Variants in FNDC3B observed in about 807,000 individuals in gnomAD.
FNDC3B encodes the protein fibronectin type III domain containing 3B, also known as fibronectin type III domain-containing protein 3B.
A neutral mutation model predicts 151.5 loss-of-function variants in FNDC3B; 12 were observed. The ratio of observed to expected loss-of-function variants is 0.08; its 90% CI spans 0.05 to 0.13. FNDC3B has a LOEUF of 0.13. FNDC3B is among the 10% of genes least tolerant of loss of function. The pLI is 1.00. For synonymous variants in FNDC3B, 528 were observed against 549.0 expected (o/e 0.96, Z 0.54); for missense variants, 1,214 against 1,505.3 (o/e 0.81, Z 3.20).
At chr3:172,122,536 G>A (rs1720605424) in intron 2 of FNDC3B, among the ~76,000 whole-genome samples, 1 of 152,238 alleles carries the variant, frequency 6.6e-6, no homozygotes, top group Non-Finnish European at 1.5e-5. Flanking sequence ...TGCATGTGCT[G>A]CTTTAGTGTT....
intron 3 of FNDC3B, among the ~76,000 whole-genome samples, chr3:172,174,802 G>A (rs541613497): frequency 1.5e-4 from 23 of 152,070 alleles, no homozygotes; most frequent in African/African-American, 5.5e-4. Flanking sequence ...ATTTAATTTA[G>A]TATGATGTTT....
At position 172,080,293 on chromosome 3, in the gene FNDC3B, C is replaced by G. The variant is rs181436319; in HGVS notation, c.-28-32159C>G. ...TTTTTCTTTCTTTTTTTTTAAGAGA[C>G]AGAGTCTTGCTTTGTCACTCAGGCT... On this transcript the variant is annotated intron_variant, in intron 1 of 25. Coordinates refer to ENST00000415807, the MANE Select transcript of FNDC3B (RefSeq NM_022763.4). Among the ~76,000 whole-genome samples the G allele has an allele frequency of 3.9e-5, 6 of 152,056 alleles. No homozygotes were observed. The East Asian group carries it at 1.2e-3, about 29-fold the overall frequency.
intron 7 of FNDC3B, among the ~76,000 whole-genome samples, chr3:172,287,685 C>A (rs571794681): frequency 1.3e-5 from 2 of 152,302 alleles, no homozygotes; most frequent in South Asian, 4.1e-4. Flanking sequence ...CAGTGCTGTT[C>A]CTCAGATATT....
intron 3 of FNDC3B, among the ~76,000 whole-genome samples, chr3:172,196,724 AG>A (rs1361769798): frequency 6.6e-6 from 1 of 152,104 alleles, no homozygotes; most frequent in African/African-American, 2.4e-5. Context: ...CAGCCCTCAA[AG>A]TCTTGTAATG....
At chr3:172,308,678 G>A (rs112041228) in intron 10 of FNDC3B, among the ~76,000 whole-genome samples, 24 of 152,156 alleles carry the variant, frequency 1.6e-4, no homozygotes, top group Admixed American at 6.5e-4. Context: ...TTGGACAGAA[G>A]CAAAGTTTAA....
chr3:172,254,365 T>G (rs1015044955), intron 6 of FNDC3B, among the ~76,000 whole-genome samples: 1 of 152,170 alleles, frequency 6.6e-6, no homozygotes, highest in Non-Finnish European at 1.5e-5. Flanking sequence ...CATGTTTTTT[T>G]TTTTAATCAA....
At chr3:172,155,175 T>A (rs1462485658) in intron 3 of FNDC3B, among the ~76,000 whole-genome samples, 1 of 152,218 alleles carries the variant, frequency 6.6e-6, no homozygotes, top group African/African-American at 2.4e-5. Flanking sequence ...GCCAAAGTCA[T>A]AGGGAGAATG....
At chr3:172,355,261 A>G (rs957486124) in intron 22 of FNDC3B, among the ~76,000 whole-genome samples, 5 of 152,290 alleles carry the variant, frequency 3.3e-5, no homozygotes, top group African/African-American at 9.6e-5. Flanking sequence ...ATCACCTGGT[A>G]TCACCCCTTC....
chr3:172,389,656 G>A (rs1422187055), intron 25 of FNDC3B, among the ~76,000 whole-genome samples: 1 of 152,132 alleles, frequency 6.6e-6, no homozygotes, highest in Non-Finnish European at 1.5e-5. Context: ...ACAAGGTCAA[G>A]AGATTGAGAC....
chr3:172,085,789 G>A (rs1718522752), intron 1 of FNDC3B, among the ~76,000 whole-genome samples: 1 of 152,186 alleles, frequency 6.6e-6, no homozygotes, highest in African/African-American at 2.4e-5. Flanking sequence ...GGAAGTGGTA[G>A]CATGGAATGT....
chr3:172,276,665 G>C (rs1346290212), intron 6 of FNDC3B, among the ~76,000 whole-genome samples: 1 of 152,176 alleles, frequency 6.6e-6, no homozygotes, highest in East Asian at 1.9e-4. Context: ...AGTTCAAACA[G>C]CAGTGTGCAT....
At chr3:172,376,178 A>G (rs1014252411) in intron 23 of FNDC3B, among the ~76,000 whole-genome samples, 6 of 152,258 alleles carry the variant, frequency 3.9e-5, no homozygotes, top group Admixed American at 1.3e-4. Flanking sequence ...AAAGGAACAC[A>G]ATAGTCTAGA....
chr3:172,130,851 T>C (rs1721054129), intron 2 of FNDC3B, among the ~76,000 whole-genome samples: 1 of 151,904 alleles, frequency 6.6e-6, no homozygotes, highest in Admixed American at 6.6e-5. Flanking sequence ...ATCCATTGGT[T>C]CCCCCCTCCC....
chr3:172,356,648 G>A (rs1413956795), intron 22 of FNDC3B, among the ~76,000 whole-genome samples: 4 of 152,156 alleles, frequency 2.6e-5, no homozygotes, highest in African/African-American at 9.7e-5. Flanking sequence ...GGCCAGTTCC[G>A]ACTCCTCCTC....
intron 2 of FNDC3B, among the ~76,000 whole-genome samples, chr3:172,127,666 G>A (rs973350601): frequency 9.2e-5 from 14 of 152,190 alleles, no homozygotes; most frequent in Admixed American, 7.9e-4. Flanking sequence ...ACAAAGAACA[G>A]CACATTTTTA....
chr3:172,134,920 A>G (rs530332298), intron 3 of FNDC3B, among the ~76,000 whole-genome samples: 1 of 151,988 alleles, frequency 6.6e-6, no homozygotes, highest in Non-Finnish European at 1.5e-5. Flanking sequence ...TCTTTCACCT[A>G]TTTGTAGTAC....
At chr3:172,368,893 C>T (rs1386332876) in intron 23 of FNDC3B, among the ~76,000 whole-genome samples, 1 of 152,086 alleles carries the variant, frequency 6.6e-6, no homozygotes, top group Non-Finnish European at 1.5e-5. Context: ...TGCCTATAGT[C>T]CCAGCTACTC....
At chr3:172,072,759 C>G (rs989894281) in intron 1 of FNDC3B, among the ~76,000 whole-genome samples, 19 of 152,250 alleles carry the variant, frequency 1.2e-4, no homozygotes, top group African/African-American at 4.3e-4. Context: ...AACTCTTTAT[C>G]TTTCTCCTAC....
In FNDC3B at chr3:172,397,363, A is replaced by G. The variant is rs151225460; in HGVS notation, c.3503A>G (p.Lys1168Arg). 6 of 1,614,074 alleles carry G rather than the reference A, an allele frequency of 3.7e-6. No homozygotes were observed. The highest frequency in any genetic ancestry group is 2.7e-5 in the African/African-American group (2 of 74,932). ...GACATGGGGAGCTTAGATGATCCCA[A>G]AATGAAGAGCATGATGCCTACTGAT... ...TGDMGSLDDP[K>R]MKSMMPTDEQ... The change falls in exon 26 of 26, where the codon AAA becomes AGA. Residue 1168 changes from lysine (K) to arginine (R), a missense_variant. Around this residue, in one of 7 missense-constraint regions of FNDC3B, gnomAD observed 284 missense variants for 392.4 expected, o/e 0.72. Transcript: ENST00000415807.
Sources: gnomAD v4.1 joint callset for allele counts (sites outside exome capture counted in the v4.1 genomes callset) on GRCh38, gnomAD v4.1.1 for gene constraint, gnomAD v4.1.1 regional missense constraint, MANE v1.5 for transcripts, NCBI Gene and HGNC (gene_info 2026-07-23, HGNC 2026-07-21) for gene names.